Variants in SYCP1 observed in about 807,000 individuals in gnomAD.
The protein encoded by SYCP1 is cancer/testis antigen 8.
SYCP1 carries 64 observed loss-of-function variants against 153.1 expected under a neutral mutation model. The ratio of observed to expected loss-of-function variants is 0.42; its 90% CI spans 0.34 to 0.51. The LOEUF is 0.51. SYCP1 is among the 20% of genes least tolerant of loss of function. The pLI is 0.06. For synonymous variants in SYCP1, 384 were observed against 341.8 expected (o/e 1.12, Z -1.36); for missense variants, 997 against 1,049.0 (o/e 0.95, Z 0.68).
At chr1:114,884,876 A>G (rs1387156305) in intron 12 of SYCP1, among the ~76,000 whole-genome samples, 3 of 152,100 alleles carry the variant, frequency 2.0e-5, no homozygotes, top group Non-Finnish European at 4.4e-5. Context: ...TTTTTCTCCT[A>G]TTGCTTTTAT....
At chr1:114,976,463 A>C (rs1672797733) in intron 27 of SYCP1, among the ~76,000 whole-genome samples, 1 of 151,860 alleles carries the variant, frequency 6.6e-6, no homozygotes, top group Admixed American at 6.6e-5. Context: ...CATACCTTGG[A>C]AACATATATT....
chr1:114,873,332 A>G (rs913579500), intron 8 of SYCP1, among the ~76,000 whole-genome samples: 4 of 151,998 alleles, frequency 2.6e-5, no homozygotes, highest in Non-Finnish European at 5.9e-5. Flanking sequence ...TTTTTTAGCA[A>G]ATTTTTGCCT....
intron 30 of SYCP1, among the ~76,000 whole-genome samples, chr1:114,992,086 A>T (rs530591329): frequency 1.3e-5 from 2 of 151,952 alleles, no homozygotes; most frequent in East Asian, 3.9e-4. Context: ...CTTAGGAACA[A>T]ATCTAACCAA....
chr1:114,944,861 T>G lies in SYCP1; in HGVS notation c.2044-11T>G, dbSNP rs1670604279. 1.3e-6 allele frequency: 2 copies of G among 1,543,858 alleles called. No individual in the cohort carries two copies. The highest frequency in any genetic ancestry group is 1.7e-6 in the Non-Finnish European group (2 of 1,144,576). ...ATTTTAAGAAACTTTTTTTTTTTGCTTATTTGATAGGTTGAGAAAGCAAAA... is the reference window on the plus strand; with the variant it reads ...ATTTTAAGAAACTTTTTTTTTTTGCGTATTTGATAGGTTGAGAAAGCAAAA... On this transcript the variant is annotated splice_polypyrimidine_tract_variant and intron_variant, in intron 24 of 31. Coordinates refer to ENST00000369522, the MANE Select transcript of SYCP1 (RefSeq NM_003176.4).
intron 30 of SYCP1, among the ~76,000 whole-genome samples, chr1:114,992,075 A>G (rs945691401): frequency 3.3e-5 from 5 of 151,838 alleles, no homozygotes; most frequent in South Asian, 2.1e-4. Context: ...GAATTTAAAT[A>G]CTTAGGAACA....
intron 27 of SYCP1, among the ~76,000 whole-genome samples, chr1:114,956,934 A>C (rs1671474691): frequency 6.6e-6 from 1 of 152,230 alleles, no homozygotes; most frequent in Admixed American, 6.5e-5. Flanking sequence ...ATCCACAAGC[A>C]TCAAGAACAT....
chr1:114,910,908 G>T (rs1267851126), intron 17 of SYCP1, among the ~76,000 whole-genome samples: 1 of 151,998 alleles, frequency 6.6e-6, no homozygotes, highest in Non-Finnish European at 1.5e-5. Flanking sequence ...GATTATAGGG[G>T]CACACCATCA....
intron 6 of SYCP1, 139 bp downstream of exon 6, chr1:114,858,850 T>C: frequency 1.4e-6 from 1 of 733,448 alleles, no homozygotes. Context: ...TTTTAAAAGT[T>C]ACATCAATAC....
At chr1:114,876,682 G>A (rs1665561205) in intron 10 of SYCP1, 55 bp from the exon 11 acceptor site, 1 of 939,174 alleles carries the variant, frequency 1.1e-6, no homozygotes, top group South Asian at 2.8e-5. Context: ...GTTTGTAATA[G>A]AAATGTTATA....
Position 114,944,433 on chromosome 1 carries a change from C to A in SYCP1, c.2021C>A (p.Ser674Ter). The A allele has an allele frequency of 1.3e-6, 2 of 1,596,414 alleles. No homozygotes were observed. The highest frequency in any genetic ancestry group is 1.1e-5 in the South Asian group (1 of 88,078). ...YQKEIEDKKI[S>*]EENLLEEVEK... is the part of the protein sequence containing the mutation. ...AAAGAAATTGAGGACAAAAAGATAT[C>A]AGAAGAAAATCTTTTGGAAGAGGTG... is the stretch of plus-strand genomic sequence containing the variant. The change falls in exon 24 of 32, where the codon TCA (serine) becomes TAA (stop). Residue 674 changes from serine (S) to a stop codon, truncating the protein, a stop_gained. Coordinates refer to ENST00000369522, the MANE Select transcript of SYCP1 (RefSeq NM_003176.4). LOFTEE classifies it high-confidence loss of function.
At chr1:114,929,007 C>T (rs1056434047) in intron 23 of SYCP1, among the ~76,000 whole-genome samples, 1 of 152,098 alleles carries the variant, frequency 6.6e-6, no homozygotes, top group East Asian at 1.9e-4. Context: ...CATAAACAGC[C>T]AACTTTTCAT....
intron 27 of SYCP1, among the ~76,000 whole-genome samples, chr1:114,975,455 G>A (rs924961279): frequency 6.7e-6 from 1 of 149,972 alleles, no homozygotes. Context: ...ACTGTCTCCT[G>A]TTTCATATTG....
intron 12 of SYCP1, among the ~76,000 whole-genome samples, chr1:114,879,687 A>G (rs1328555794): frequency 6.6e-6 from 1 of 152,212 alleles, no homozygotes; most frequent in African/African-American, 2.4e-5. Flanking sequence ...AAACTGAAAA[A>G]ATTAATAAAT....
chr1:114,880,062 G>A (rs983777665), intron 12 of SYCP1, among the ~76,000 whole-genome samples: 5 of 151,958 alleles, frequency 3.3e-5, no homozygotes, highest in African/African-American at 1.2e-4. Flanking sequence ...TTCAATATAT[G>A]TCTCATCTGT....
Position 114,855,503 on chromosome 1 carries a change from G to C in SYCP1, c.39G>C (p.Pro13=). 2 of 1,613,242 alleles carry C rather than the reference G, an allele frequency of 1.2e-6. No individual in the cohort carries two copies. The part of the protein sequence containing the change: ...KQKPFALFVP[P]RSSSSQVSAV... The stretch of plus-strand genomic sequence containing the variant: ...AGCCCTTTGCATTGTTCGTACCACC[G>C]AGATCAAGCAGCAGTCAGGTGTCTG... The change falls in exon 2 of 32, where the codon CCG becomes CCC. Residue 13 remains proline, a synonymous_variant. Transcript: ENST00000369522.
intron 12 of SYCP1, among the ~76,000 whole-genome samples, chr1:114,884,056 T>G (rs1221081826): frequency 6.6e-6 from 1 of 152,186 alleles, no homozygotes; most frequent in Non-Finnish European, 1.5e-5. Flanking sequence ...ATGTAGTTTT[T>G]TCAGAATGGA....
At chr1:114,990,649 T>C (rs771431875) in intron 30 of SYCP1, among the ~76,000 whole-genome samples, 1 of 151,848 alleles carries the variant, frequency 6.6e-6, no homozygotes, top group East Asian at 1.9e-4. Context: ...AGAGATAAAA[T>C]GAATCATAAG....
chr1:114,907,516 C>T (rs1391891999), intron 16 of SYCP1, among the ~76,000 whole-genome samples: 1 of 151,564 alleles, frequency 6.6e-6, no homozygotes, highest in African/African-American at 2.4e-5. Flanking sequence ...CTAAGGATTA[C>T]AGCATGTATC....
intron 12 of SYCP1, among the ~76,000 whole-genome samples, chr1:114,882,776 A>G (rs560058630): frequency 2.8e-4 from 42 of 152,136 alleles, no homozygotes; most frequent in African/African-American, 9.6e-4. Flanking sequence ...TGATATTTCT[A>G]TCCATTTGGG....
Sources: allele counts gnomAD v4.1 joint callset (sites outside exome capture counted in the v4.1 genomes callset), GRCh38; gene constraint gnomAD v4.1.1; transcripts MANE v1.5; gene names NCBI Gene and HGNC (gene_info 2026-07-23, HGNC 2026-07-21).